LZTS1: variants seen among roughly 807,000 people sequenced by gnomAD.
LZTS1 encodes leucine zipper tumor suppressor 1.
LZTS1 carries 31 observed loss-of-function variants against 45.8 expected under a neutral mutation model. The observed-to-expected ratio is 0.68, with a 90% CI of 0.51 to 0.91. The LOEUF (loss-of-function observed/expected upper bound fraction) is 0.91, where lower values mean the gene tolerates loss of function less well. Among genes scored for constraint, LZTS1 ranks in the 40% least tolerant of loss-of-function variants. The pLI is 0.00. For missense variants in LZTS1, 821 were observed against 788.9 expected (o/e 1.04, Z -0.49); for synonymous variants, 359 against 357.3 (o/e 1.00, Z -0.05).
intron 1 of LZTS1, among the ~76,000 whole-genome samples, chr8:20,278,337 C>A (rs1458235995): frequency 1.3e-5 from 2 of 152,164 alleles, no homozygotes; most frequent in Non-Finnish European, 2.9e-5. Flanking sequence ...CTTCAGTAAA[C>A]CCACGGTGCA....
intron 1 of LZTS1, among the ~76,000 whole-genome samples, chr8:20,262,740 G>C (rs1800262179): frequency 6.6e-6 from 1 of 152,164 alleles, no homozygotes; most frequent in Non-Finnish European, 1.5e-5. Context: ...GTTATTCCAT[G>C]AGTAGAGGCG....
At position 20,248,505 on chromosome 8, in the gene LZTS1, G is replaced by C. The variant is rs1023828167; in HGVS notation, c.*1217C>G. 1.3e-5 allele frequency: 2 copies of C among 152,512 alleles called. No individual in the cohort carries two copies. Among genetic ancestry groups the C allele is most frequent in the African/African-American group, 2.4e-5 (1 of 41,454 alleles). 9.4% of individuals were successfully genotyped at this position (152,512 alleles called of 1,614,324 possible). On this transcript the variant is annotated 3_prime_UTR_variant, in exon 4 of 4. Transcript: ENST00000381569. ...AGTCTGGGACAAATGGGGGTCTTGA[G>C]GTGGAGGGAGGATGGCTGGTGGCCA...
chr8:20,275,842 T>C (rs1358165979), intron 1 of LZTS1: 3 of 152,394 alleles, frequency 2.0e-5, no homozygotes, highest in African/African-American at 7.2e-5. Flanking sequence ...TGGATTTCTT[T>C]TTTGCAGATG....
Position 20,252,885 on chromosome 8 carries a change from A to C in LZTS1, c.1046T>G (p.Leu349Arg), listed in dbSNP as rs1470681782. ...QQEKRQLRQE[L>R]ESLMKEQDLL... ...GTCCTGCTCCTTCATGAGGCTCTCG[A>C]GCTCCTGCCGGAGCTGCCGCTTCTC... Residue 349 changes from leucine (L) to arginine (R), a missense_variant, in exon 3 of 4, where the codon CTC (leucine) becomes CGC (arginine). Coordinates refer to ENST00000381569, the MANE Select transcript of LZTS1 (RefSeq NM_021020.5). 1.2e-6 allele frequency: 2 copies of C among 1,611,008 alleles called. No individual in the cohort carries two copies. Among genetic ancestry groups the C allele is most frequent in the Non-Finnish European group, 1.7e-6 (2 of 1,179,074 alleles).
intron 1 of LZTS1, among the ~76,000 whole-genome samples, chr8:20,269,340 C>T (rs187034163): frequency 1.1e-4 from 16 of 152,298 alleles, no homozygotes; most frequent in Non-Finnish European, 1.8e-4. Context: ...GGCTAGACTC[C>T]CTCCCGTCTT....
intron 1 of LZTS1, among the ~76,000 whole-genome samples, chr8:20,270,083 C>T (rs954020996): frequency 4.6e-5 from 7 of 152,240 alleles, no homozygotes; most frequent in Admixed American, 2.6e-4. Context: ...CAGTCAAATG[C>T]GTTGGCACCA....
At chr8:20,275,592 T>G in intron 1 of LZTS1, among the ~76,000 whole-genome samples, 1 of 147,768 alleles carries the variant, frequency 6.8e-6, no homozygotes, top group Non-Finnish European at 1.5e-5. Flanking sequence ...AATCTCGGGG[T>G]AAGAGAGGAG....
intron 1 of LZTS1, among the ~76,000 whole-genome samples, chr8:20,269,472 C>T (rs1563877176): frequency 6.6e-6 from 1 of 152,156 alleles, no homozygotes; most frequent in Non-Finnish European, 1.5e-5. Flanking sequence ...AAGTGGGCAC[C>T]CCTGGAAGGT....
At chr8:20,266,900 G>A (rs570941470) in intron 1 of LZTS1, among the ~76,000 whole-genome samples, 29 of 152,184 alleles carry the variant, frequency 1.9e-4, no homozygotes, top group Middle Eastern at 3.4e-3. Flanking sequence ...CAGAGGTCAG[G>A]AGTTCAAGAC....
intron 1 of LZTS1, among the ~76,000 whole-genome samples, chr8:20,275,129 C>A (rs1413547716): frequency 6.6e-6 from 1 of 152,076 alleles, no homozygotes; most frequent in Non-Finnish European, 1.5e-5. Context: ...TGGTTGGGCG[C>A]CATGGCTCAA....
At chr8:20,256,997 C>G (rs537224009) in intron 1 of LZTS1, among the ~76,000 whole-genome samples, 1 of 152,094 alleles carries the variant, frequency 6.6e-6, no homozygotes, top group Non-Finnish European at 1.5e-5. Context: ...AGAAGGTTTT[C>G]AGGGTGATGT....
intron 1 of LZTS1, among the ~76,000 whole-genome samples, chr8:20,267,892 T>C (rs1391759969): frequency 2.0e-5 from 3 of 152,186 alleles, no homozygotes. Flanking sequence ...CCGACGGATC[T>C]GCTGTATCAT....
chr8:20,286,112 A>T (rs140704777), intron 1 of LZTS1, among the ~76,000 whole-genome samples: 14 of 152,356 alleles, frequency 9.2e-5, no homozygotes, highest in African/African-American at 3.1e-4. Flanking sequence ...TTTCTTGGCC[A>T]GGTCATTAAA....
chr8:20,263,639 T>C (rs766047569), intron 1 of LZTS1, among the ~76,000 whole-genome samples: 1 of 152,070 alleles, frequency 6.6e-6, no homozygotes, highest in Non-Finnish European at 1.5e-5. Flanking sequence ...TTGCATCCTC[T>C]CAAGGCAGCC....
intron 1 of LZTS1, among the ~76,000 whole-genome samples, chr8:20,266,371 G>C (rs1800354562): frequency 1.3e-5 from 2 of 152,212 alleles, no homozygotes; most frequent in South Asian, 4.2e-4. Context: ...GGAGGCACAG[G>C]GACTACTGAC....
At chr8:20,289,796 C>T (rs1800867894) in intron 1 of LZTS1, 1 of 152,234 alleles carries the variant, frequency 6.6e-6, no homozygotes, top group Non-Finnish European at 1.5e-5. Flanking sequence ...ACAAGCTCCC[C>T]ATCTCTCATC....
chr8:20,275,205 C>T (rs1800554584), intron 1 of LZTS1, among the ~76,000 whole-genome samples: 1 of 152,020 alleles, frequency 6.6e-6, no homozygotes, highest in Non-Finnish European at 1.5e-5. Flanking sequence ...AATTCGAGAC[C>T]AGCCTGGCCA....
At chr8:20,275,024 C>T (rs1800550352) in intron 1 of LZTS1, among the ~76,000 whole-genome samples, 1 of 148,018 alleles carries the variant, frequency 6.8e-6, no homozygotes, top group South Asian at 2.1e-4. Flanking sequence ...TATTCGCTTC[C>T]TGGAGGGAAG....
chr8:20,249,611 C>A lies in LZTS1; in HGVS notation c.*111G>T. Reference sequence around the variant, plus strand: ...CCCCTCGGGGGTCCTGGGTCTGTGTCCCAGGGAGTGGCGTCTCTCAGAGGG... The same window carrying A: ...CCCCTCGGGGGTCCTGGGTCTGTGTACCAGGGAGTGGCGTCTCTCAGAGGG... On this transcript the variant is annotated 3_prime_UTR_variant, in exon 4 of 4. Coordinates refer to ENST00000381569, the MANE Select transcript of LZTS1 (RefSeq NM_021020.5). 1 of 1,368,490 alleles carries A rather than the reference C, an allele frequency of 7.3e-7. No homozygotes were observed. The highest frequency in any genetic ancestry group is 9.8e-7 in the Non-Finnish European group (1 of 1,016,964). The allele number at this position is 1,368,490 out of a possible 1,614,324, so 84.8% of individuals were successfully genotyped here.
Sources: allele counts gnomAD v4.1 joint callset (sites outside exome capture counted in the v4.1 genomes callset), GRCh38; gene constraint gnomAD v4.1.1; transcripts MANE v1.5; gene names NCBI Gene and HGNC (gene_info 2026-07-23, HGNC 2026-07-21).